The following BRSK2 variants were observed in gnomAD, a reference collection of about 807,000 sequenced individuals.
The protein encoded by BRSK2 is serine/threonine-protein kinase BRSK2.
A neutral mutation model predicts 83.3 loss-of-function variants in BRSK2; 19 were observed. The observed-to-expected ratio is 0.23, with a 90% CI of 0.16 to 0.33. BRSK2 has a LOEUF of 0.33. BRSK2 is among the 10% of genes least tolerant of loss of function. The pLI is 1.00. For missense variants in BRSK2, 798 were observed against 1,042.3 expected (o/e 0.77, Z 3.23); for synonymous variants, 519 against 435.4 (o/e 1.19, Z -2.39).
chr11:1,445,896 G>A lies in BRSK2; in HGVS notation c.1215G>A (p.Gln405=), dbSNP rs1564858305. 2 of 1,609,712 alleles carry A rather than the reference G, an allele frequency of 1.2e-6. No homozygotes were observed. Among genetic ancestry groups the A allele is most frequent in the Non-Finnish European group, 1.7e-6 (2 of 1,178,452 alleles). The change falls in exon 12 of 20, where the codon CAG becomes CAA. Residue 405 remains glutamine (Q), a synonymous_variant. Coordinates refer to ENST00000528841, the MANE Select transcript of BRSK2 (RefSeq NM_001256627.2). ...CGCGGCGGGCCATTGAGATGGCCCA[G>A]CACGGCCAGAGGTGTGTGTGCCCCG... The part of the protein sequence containing the change: ...VPARRAIEMA[Q]HGQRSRSISG...
chr11:1,424,476 T>G (rs934579516), intron 1 of BRSK2, among the ~76,000 whole-genome samples: 15 of 151,932 alleles, frequency 9.9e-5, no homozygotes, highest in African/African-American at 3.6e-4. Context: ...AGTGTGGGAG[T>G]TGGGGATAGG....
chr11:1,399,529 C>T (rs963473927), intron 1 of BRSK2, among the ~76,000 whole-genome samples: 5 of 152,066 alleles, frequency 3.3e-5, no homozygotes, highest in Admixed American at 6.5e-5. Flanking sequence ...AGCCGTGAGC[C>T]GTGATAGGGA....
Position 1,449,701 on chromosome 11 carries a change from G to C in BRSK2, c.1227-75G>C, listed in dbSNP as rs896042586. ...CCAGGCCTCCTGGAGGGTTTACCTGGGGGGAGCAGAGCCCAGCACCTGCTG... is the reference window on the plus strand; with the variant it reads ...CCAGGCCTCCTGGAGGGTTTACCTGCGGGGAGCAGAGCCCAGCACCTGCTG... On this transcript the variant is annotated intron_variant, in intron 12 of 19. Transcript: ENST00000528841. The C allele has an allele frequency of 8.2e-6, 11 of 1,340,336 alleles. No individual in the cohort carries two copies. In the African/African-American group the frequency reaches 1.0e-4, roughly 12 times the overall value. 83.0% of individuals were successfully genotyped at this position (1,340,336 alleles called of 1,614,324 possible). A position where few individuals can be genotyped will look rare whatever the true frequency, so the allele number is the denominator to read the frequency against.
At position 1,423,675 on chromosome 11, in the gene BRSK2, C is replaced by G. The variant is rs942797499; in HGVS notation, c.92-12365C>G. 1.6e-4 allele frequency among the ~76,000 whole-genome samples: 23 copies of G among 139,912 alleles called. No homozygotes were observed. Among genetic ancestry groups the G allele is most frequent in the African/African-American group, 5.8e-4 (19 of 32,772 alleles). 91.8% of individuals were successfully genotyped at this position (139,912 alleles called of 152,430 possible). On this transcript the variant is annotated intron_variant, in intron 1 of 19. Transcript: ENST00000528841. This position sits in a 1 kb window ranked among gnomAD's most constrained non-coding sequence, Gnocchi z 6.5. ...AAGGAAGCCCTGCCCCAAGCCTCCC[C>G]CGCTGGGCGTTCCGGGTGCCCCAGG...
At chr11:1,436,912 A>T (rs895707866) in intron 2 of BRSK2, among the ~76,000 whole-genome samples, 4 of 150,610 alleles carry the variant, frequency 2.7e-5, no homozygotes, top group African/African-American at 7.4e-5. Context: ...AGGGTTGGGG[A>T]CTGTGACATG....
At chr11:1,420,813 G>A (rs1848571214) in intron 1 of BRSK2, among the ~76,000 whole-genome samples, 1 of 152,210 alleles carries the variant, frequency 6.6e-6, no homozygotes, top group Non-Finnish European at 1.5e-5. Context: ...GGCAGTCCTG[G>A]GGGCTCAGCC....
chr11:1,404,984 G>T (rs1347192576), intron 1 of BRSK2, among the ~76,000 whole-genome samples: 1 of 142,620 alleles, frequency 7.0e-6, no homozygotes. Flanking sequence ...GGGCGTGCAG[G>T]CCTCTGTCTC....
intron 1 of BRSK2, among the ~76,000 whole-genome samples, chr11:1,413,174 C>A (rs932633950): frequency 6.6e-6 from 1 of 152,166 alleles, no homozygotes; most frequent in Non-Finnish European, 1.5e-5. Flanking sequence ...GCCAGATGTC[C>A]AGCTGCCATG....
At chr11:1,395,315 C>T (rs896387014) in intron 1 of BRSK2, among the ~76,000 whole-genome samples, 3 of 152,186 alleles carry the variant, frequency 2.0e-5, no homozygotes, top group African/African-American at 7.2e-5. Context: ...GGTAGCCCTC[C>T]CATCTGAAGT....
chr11:1,409,212 T>G (rs555608704), intron 1 of BRSK2, among the ~76,000 whole-genome samples: 18 of 152,308 alleles, frequency 1.2e-4, no homozygotes, highest in African/African-American at 4.3e-4. Context: ...CCTTGCAGCC[T>G]GGAGCTGGGG....
At chr11:1,433,579 T>C (rs1420962315) in intron 1 of BRSK2, among the ~76,000 whole-genome samples, 1 of 152,238 alleles carries the variant, frequency 6.6e-6, no homozygotes, top group Non-Finnish European at 1.5e-5. Flanking sequence ...GAGCTCTTGC[T>C]CCTTTCCGTG....
chr11:1,413,981 C>T (rs967144427), intron 1 of BRSK2, among the ~76,000 whole-genome samples: 5 of 152,350 alleles, frequency 3.3e-5, no homozygotes, highest in East Asian at 1.9e-4. Context: ...CTTCCTCACA[C>T]GGTTTACTGT....
intron 5 of BRSK2, 28 bp downstream of exon 5, chr11:1,442,634 G>T: frequency 6.4e-7 from 1 of 1,561,600 alleles, no homozygotes; most frequent in Non-Finnish European, 8.8e-7. Flanking sequence ...CTGGAGAGAG[G>T]CTGGGGGACA....
At chr11:1,398,815 T>A (rs1846282632) in intron 1 of BRSK2, among the ~76,000 whole-genome samples, 1 of 152,238 alleles carries the variant, frequency 6.6e-6, no homozygotes, top group Non-Finnish European at 1.5e-5. Context: ...TCATCTGTGA[T>A]GGGGCCTGGG....
chr11:1,424,567 G>A (rs914229660), intron 1 of BRSK2, among the ~76,000 whole-genome samples: 10 of 152,280 alleles, frequency 6.6e-5, no homozygotes, highest in South Asian at 2.1e-4. Flanking sequence ...AGGACCCTTC[G>A]CCAGGACCTG....
intron 9 of BRSK2, 127 bp downstream of exon 9, chr11:1,445,129 C>T (rs1401782663): frequency 8.0e-6 from 12 of 1,492,748 alleles, no homozygotes; most frequent in Non-Finnish European, 1.9e-6. Context: ...CCCTCCGTGG[C>T]CTGCGCTGGG....
intron 15 of BRSK2, 28 bp downstream of exon 15, chr11:1,451,447 G>T: frequency 6.2e-7 from 1 of 1,610,102 alleles, no homozygotes; most frequent in Non-Finnish European, 8.5e-7. Context: ...GAGGCCTCCT[G>T]GTACCTGACA....
intron 1 of BRSK2, among the ~76,000 whole-genome samples, chr11:1,416,280 C>T (rs567374326): frequency 2.0e-5 from 3 of 152,338 alleles, no homozygotes; most frequent in African/African-American, 7.2e-5. Flanking sequence ...AGTATGATGC[C>T]TGTGAGGACG....
At chr11:1,401,608 C>T (rs61867618) in intron 1 of BRSK2, among the ~76,000 whole-genome samples, 24,148 of 152,280 alleles carry the variant, frequency 0.16, 2,349 homozygotes, top group Non-Finnish European at 0.2. Flanking sequence ...AGCCTCTGCC[C>T]GTCCTCTCTG....
Sources: allele counts gnomAD v4.1 joint callset (sites outside exome capture counted in the v4.1 genomes callset), GRCh38; gene constraint gnomAD v4.1.1; non-coding constraint Gnocchi (gnomAD v3.1); transcripts MANE v1.5; gene names NCBI Gene and HGNC (gene_info 2026-07-23, HGNC 2026-07-21).